The following GEMIN2 variants were observed in gnomAD, a reference collection of about 807,000 sequenced individuals.
GEMIN2 encodes gem-associated protein 2.
Under a neutral mutation model 45.8 loss-of-function variants are expected in GEMIN2, and 37 were observed. The observed-to-expected ratio is 0.81, with a 90% CI of 0.62 to 1.06. The LOEUF (loss-of-function observed/expected upper bound fraction) is 1.06, where lower values mean the gene tolerates loss of function less well. GEMIN2 is among the 50% of genes least tolerant of loss of function. The pLI is 0.00. For missense variants in GEMIN2, 335 were observed against 321.8 expected, an observed-to-expected ratio of 1.04 and a Z score of -0.31; for synonymous variants, 101 against 111.5, an observed-to-expected ratio of 0.91 and a Z score of 0.60.
chr14:39,123,667 T>C, intron 5 of GEMIN2, among the ~76,000 whole-genome samples: 1 of 134,482 alleles, frequency 7.4e-6, no homozygotes, highest in South Asian at 2.4e-4. Context: ...CCTTAACATA[T>C]GCTACATTTC....
chr14:39,136,280 C>G (rs1358358840), intron 9 of GEMIN2, among the ~76,000 whole-genome samples, 160 bp from the exon 10 acceptor site: 1 of 152,032 alleles, frequency 6.6e-6, no homozygotes, highest in African/African-American at 2.4e-5. Context: ...CCTCATTTCT[C>G]TTTTTATGGC....
intron 6 of GEMIN2, among the ~76,000 whole-genome samples, chr14:39,127,712 T>G (rs538940734): frequency 3.0e-4 from 46 of 151,936 alleles, no homozygotes; most frequent in African/African-American, 1.1e-3. Flanking sequence ...AGTTACAAAC[T>G]AAATCCTAGG....
At chr14:39,117,583 C>A (rs2052524638) in intron 2 of GEMIN2, among the ~76,000 whole-genome samples, 1 of 152,174 alleles carries the variant, frequency 6.6e-6, no homozygotes, top group Non-Finnish European at 1.5e-5. Flanking sequence ...ACTGTAGTCA[C>A]TCTACTGTGC....
At position 39,136,821 on chromosome 14, in the gene GEMIN2, T is replaced by C. The variant is rs918680863; in HGVS notation, c.*342T>C. The C allele has an allele frequency of 1.7e-5, 3 of 181,028 alleles. No individual in the cohort carries two copies. Among genetic ancestry groups the C allele is most frequent in the Non-Finnish European group, 3.4e-5 (3 of 87,724 alleles). 11.2% of individuals were successfully genotyped at this position (181,028 alleles called of 1,614,324 possible). A position where few individuals can be genotyped will look rare whatever the true frequency, so the allele number is the denominator to read the frequency against. On this transcript the variant is annotated 3_prime_UTR_variant, in exon 10 of 10. Coordinates refer to ENST00000308317, the MANE Select transcript of GEMIN2 (RefSeq NM_003616.3). ...GTTTTGTTATTTACTTATATACATATAAAATTTTATTGAAAATATGTTTTG... is the reference window on the plus strand; with the variant it reads ...GTTTTGTTATTTACTTATATACATACAAAATTTTATTGAAAATATGTTTTG...
chr14:39,123,403 C>T (rs928333277), intron 5 of GEMIN2, among the ~76,000 whole-genome samples: 2 of 151,932 alleles, frequency 1.3e-5, no homozygotes, highest in African/African-American at 4.8e-5. Flanking sequence ...ATATAGATAC[C>T]TCACAGAAAG....
At position 39,124,978 on chromosome 14, in the gene GEMIN2, A is replaced by AT. The variant is rs1435668581; in HGVS notation, c.487-8dup. The AT allele has an allele frequency of 3.5e-6, 5 of 1,431,370 alleles. No individual in the cohort carries two copies. In the South Asian group the frequency reaches 4.7e-5, roughly 13 times the overall value. 88.7% of individuals were successfully genotyped at this position (1,431,370 alleles called of 1,614,324 possible). A position where few individuals can be genotyped will look rare whatever the true frequency, so the allele number is the denominator to read the frequency against. On this transcript the variant is annotated splice_polypyrimidine_tract_variant and intron_variant, in intron 5 of 9. Transcript: ENST00000308317. ...ATACCATTTAGTAAAATTCAGTCTC[A>AT]TTTTTTCTTTCAGATTGGTTTTCCT... is the stretch of plus-strand genomic sequence containing the variant.
At chr14:39,122,286 G>C in intron 4 of GEMIN2, 144 bp from the exon 5 acceptor site, 1 of 596,876 alleles carries the variant, frequency 1.7e-6, no homozygotes, top group Admixed American at 3.1e-5. Context: ...ATACAAATTT[G>C]GGGGCAGAGA....
chr14:39,136,164 C>G (rs2052778836), intron 9 of GEMIN2, among the ~76,000 whole-genome samples: 2 of 152,156 alleles, frequency 1.3e-5, no homozygotes, highest in Admixed American at 1.3e-4. Context: ...AGGTAGCATA[C>G]AGAACAATCT....
At chr14:39,132,719 C>G (rs1438327596) in intron 8 of GEMIN2, among the ~76,000 whole-genome samples, 13 of 131,824 alleles carry the variant, frequency 9.9e-5, no homozygotes, top group Non-Finnish European at 1.6e-4. Flanking sequence ...CGCTCTGTCA[C>G]CGAGGCTGGA....
At chr14:39,117,288 A>G (rs1271863978) in intron 2 of GEMIN2, among the ~76,000 whole-genome samples, 1 of 151,958 alleles carries the variant, frequency 6.6e-6, no homozygotes, top group African/African-American at 2.4e-5. Context: ...AAAAAAAAGA[A>G]AACAGAAGTA....
intron 4 of GEMIN2, among the ~76,000 whole-genome samples, chr14:39,119,031 C>T (rs1229077270): frequency 2.0e-5 from 3 of 152,090 alleles, no homozygotes; most frequent in African/African-American, 7.2e-5. Flanking sequence ...CTGCCCTAGC[C>T]TCCCCGAGTG....
rs541148237 is a variant in GEMIN2 at position 39,127,290 on chromosome 14, G to A, written c.532-990G>A. On this transcript the variant is annotated intron_variant, in intron 6 of 9. Transcript: ENST00000308317. ...TTTTTAGTAGAGACGGGGTTTTGCC[G>A]TGTTGGCCAGGCTGGTCTCAAACTC... Among the ~76,000 whole-genome samples, 184 of 145,936 alleles carry A rather than the reference G, an allele frequency of 1.3e-3. 2 individuals carry two copies. Among genetic ancestry groups the A allele is most frequent in the Admixed American group, 1.4e-4 (2 of 14,402 alleles).
chr14:39,115,514 T>G (rs2052492224), intron 2 of GEMIN2, among the ~76,000 whole-genome samples: 1 of 144,834 alleles, frequency 6.9e-6, no homozygotes, highest in Admixed American at 7.4e-5. Flanking sequence ...TGCAGTGCAG[T>G]GGTGCGATCT....
intron 6 of GEMIN2, among the ~76,000 whole-genome samples, chr14:39,126,900 G>C (rs2052649548): frequency 6.6e-6 from 1 of 152,004 alleles, no homozygotes; most frequent in Non-Finnish European, 1.5e-5. Flanking sequence ...CTAGTAGCTA[G>C]GACTACAGGC....
In GEMIN2 at chr14:39,115,023, C is replaced by T. The variant is rs76348198; in HGVS notation, c.222+110C>T. The stretch of plus-strand genomic sequence containing the variant: ...ATTATGACGTAAGATTTGACTACTC[C>T]GTGCAAAGTTAGACATTCGCTTGTA... On this transcript the variant is annotated intron_variant, in intron 2 of 9. Coordinates refer to ENST00000308317, the MANE Select transcript of GEMIN2 (RefSeq NM_003616.3). 1.6e-3 allele frequency: 1,064 copies of T among 660,212 alleles called. 5 individuals carry two copies. The African/African-American group carries it at 0.018, about 11-fold the overall frequency. The allele number at this position is 660,212 out of a possible 1,614,324, so 40.9% of individuals were successfully genotyped here. A position where few individuals can be genotyped will look rare whatever the true frequency, so the allele number is the denominator to read the frequency against.
At chr14:39,118,865 C>T (rs1456933127) in intron 4 of GEMIN2, among the ~76,000 whole-genome samples, 1 of 150,788 alleles carries the variant, frequency 6.6e-6, no homozygotes, top group Non-Finnish European at 1.5e-5. Context: ...GCCTTGACCT[C>T]CTGGGCTCAA....
intron 9 of GEMIN2, chr14:39,133,962 TA>T (rs1009715202): frequency 6.9e-5 from 17 of 246,858 alleles, no homozygotes; most frequent in Non-Finnish European, 9.3e-5. Flanking sequence ...CCTGGCTAAT[TA>T]AAAAAAATTG....
At chr14:39,128,967 C>T (rs59884790) in intron 7 of GEMIN2, among the ~76,000 whole-genome samples, 3 of 152,044 alleles carry the variant, frequency 2.0e-5, no homozygotes, top group Non-Finnish European at 4.4e-5. Context: ...ATGTTTAGAT[C>T]TGGCCAGGCA....
Position 39,114,326 on chromosome 14 carries a change from T to C in GEMIN2, c.-13T>C, listed in dbSNP as rs200612939. ...GGCGCATGCGCCGAGCGGAACTGGC[T>C]GGTTTGAAAACCATGGCGTGGGTAC... On this transcript the variant is annotated 5_prime_UTR_variant, in exon 1 of 10. Coordinates refer to ENST00000308317, the MANE Select transcript of GEMIN2 (RefSeq NM_003616.3). 1.4e-4 allele frequency: 218 copies of C among 1,613,808 alleles called. No individual in the cohort carries two copies. The highest frequency in any genetic ancestry group is 6.7e-5 in the East Asian group (3 of 44,890).
Sources: allele counts gnomAD v4.1 joint callset (sites outside exome capture counted in the v4.1 genomes callset), GRCh38; gene constraint gnomAD v4.1.1; transcripts MANE v1.5; gene names NCBI Gene and HGNC (gene_info 2026-07-23, HGNC 2026-07-21).